The following PRKN variants were observed in gnomAD, a reference collection of about 807,000 sequenced individuals.
PRKN encodes the protein parkin RBR E3 ubiquitin protein ligase.
PRKN carries 56 observed loss-of-function variants against 59.5 expected under a neutral mutation model. The ratio of observed to expected loss-of-function variants is 0.94; its 90% CI spans 0.76 to 1.18. The LOEUF (loss-of-function observed/expected upper bound fraction) is 1.18, where lower values mean the gene tolerates loss of function less well. Among genes scored for constraint, PRKN ranks in the 50% most tolerant of loss-of-function variants. The pLI is 0.00. For synonymous variants in PRKN, 250 were observed against 222.1 expected (o/e 1.13, Z -1.12); for missense variants, 657 against 596.4 (o/e 1.10, Z -1.06).
intron 4 of PRKN, among the ~76,000 whole-genome samples, chr6:162,084,014 G>A (rs1027645268): frequency 6.6e-6 from 1 of 151,930 alleles, no homozygotes; most frequent in African/African-American, 2.4e-5. Context: ...AATAATTTTA[G>A]AAAGAATTGA....
intron 6 of PRKN, among the ~76,000 whole-genome samples, chr6:161,904,916 G>C (rs1778086019): frequency 6.6e-6 from 1 of 152,138 alleles, no homozygotes; most frequent in South Asian, 2.1e-4. Context: ...GGAGGTCAAG[G>C]TGTGGATGGC....
At chr6:161,422,728 G>C (rs1788158039) in intron 9 of PRKN, among the ~76,000 whole-genome samples, 1 of 152,136 alleles carries the variant, frequency 6.6e-6, no homozygotes, top group African/African-American at 2.4e-5. Flanking sequence ...AGGAAGAAAG[G>C]AAGGCAGGCA....
At chr6:161,504,785 T>G (rs1057260345) in intron 9 of PRKN, among the ~76,000 whole-genome samples, 1 of 151,030 alleles carries the variant, frequency 6.6e-6, no homozygotes, top group African/African-American at 2.4e-5. Flanking sequence ...TTTGGTTTTT[T>G]GTTCTTGCGA....
intron 7 of PRKN, among the ~76,000 whole-genome samples, chr6:161,657,189 C>A (rs934100581): frequency 3.9e-5 from 6 of 152,108 alleles, no homozygotes; most frequent in Non-Finnish European, 8.8e-5. Context: ...CCGAGAATCA[C>A]CTTAACTCTT....
At chr6:162,144,588 C>T (rs577351678) in intron 4 of PRKN, among the ~76,000 whole-genome samples, 10 of 152,258 alleles carry the variant, frequency 6.6e-5, no homozygotes, top group African/African-American at 2.4e-4. Flanking sequence ...AACTGTAGGA[C>T]CTATGGTCAC....
intron 6 of PRKN, among the ~76,000 whole-genome samples, chr6:161,790,411 G>A (rs1204578002): frequency 6.6e-6 from 1 of 152,204 alleles, no homozygotes; most frequent in Non-Finnish European, 1.5e-5. Context: ...CCTCTAGACT[G>A]TGGGATTCAC....
intron 6 of PRKN, among the ~76,000 whole-genome samples, chr6:161,858,918 G>A (rs889788594): frequency 3.6e-5 from 5 of 139,088 alleles, no homozygotes; most frequent in African/African-American, 1.1e-4. Flanking sequence ...CTGGAGCACA[G>A]TGGCGTGATC....
At chr6:162,668,159 T>C (rs1326892409) in intron 1 of PRKN, among the ~76,000 whole-genome samples, 2 of 152,330 alleles carry the variant, frequency 1.3e-5, no homozygotes, top group South Asian at 4.1e-4. Context: ...AGCAGATATA[T>C]CCTCAGTAAA....
intron 8 of PRKN, among the ~76,000 whole-genome samples, chr6:161,568,604 A>C (rs1780743053): frequency 6.6e-6 from 1 of 152,156 alleles, no homozygotes; most frequent in South Asian, 2.1e-4. Context: ...AAAAATAAAT[A>C]AAATAAAATA....
intron 1 of PRKN, among the ~76,000 whole-genome samples, chr6:162,686,836 C>T (rs551954466): frequency 6.6e-6 from 1 of 152,204 alleles, no homozygotes; most frequent in Admixed American, 6.5e-5. Flanking sequence ...AGATATATGG[C>T]TTTATTTCTG....
At position 161,588,328 on chromosome 6, in the gene PRKN, C is replaced by T. The variant is rs933771714; in HGVS notation, c.872-18912G>A. ...CAGGAGGAGGCAGGTTGTGGTGAGC[C>T]GAAGAGGCGCCACTGCATTCCAGCC... On this transcript the variant is annotated intron_variant, in intron 7 of 11. Coordinates refer to ENST00000366898, the MANE Select transcript of PRKN (RefSeq NM_004562.3). The surrounding 1 kb of genome is among the most constrained non-coding windows in gnomAD (Gnocchi z 5.0). Among the ~76,000 whole-genome samples the T allele has an allele frequency of 2.6e-5, 4 of 151,598 alleles. No homozygotes were observed. The highest frequency in any genetic ancestry group is 4.4e-5 in the Non-Finnish European group (3 of 67,892).
rs1281887773 is a variant in PRKN, at chr6:161,529,753, C to T, written c.1083+19101G>A. Among the ~76,000 whole-genome samples the T allele has an allele frequency of 6.6e-6, 1 of 152,148 alleles. No homozygotes were observed. Among genetic ancestry groups the T allele is most frequent in the African/African-American group, 2.4e-5 (1 of 41,428 alleles). ...AGATTTATAAACATTATTGGTACAA[C>T]TGATTTTTGTCTCTGGCTGGAAAAT... is the stretch of plus-strand genomic sequence containing the variant. On this transcript the variant is annotated intron_variant, in intron 9 of 11. Coordinates refer to ENST00000366898, the MANE Select transcript of PRKN (RefSeq NM_004562.3). This position sits in a 1 kb window ranked among gnomAD's most constrained non-coding sequence, Gnocchi z 4.4.
intron 6 of PRKN, among the ~76,000 whole-genome samples, chr6:161,920,101 C>T (rs1244753769): frequency 6.6e-6 from 1 of 152,160 alleles, no homozygotes; most frequent in Non-Finnish European, 1.5e-5. Context: ...ACCATAACAC[C>T]GGCTGGGCGT....
chr6:161,505,491 T>A (rs1164926220), intron 9 of PRKN, among the ~76,000 whole-genome samples: 4 of 151,982 alleles, frequency 2.6e-5, no homozygotes, highest in Admixed American at 6.5e-5. Context: ...TTCACTCTGA[T>A]GGTAGTTTCT....
intron 9 of PRKN, among the ~76,000 whole-genome samples, chr6:161,521,356 G>A (rs1427304253): frequency 1.3e-5 from 2 of 152,220 alleles, no homozygotes; most frequent in East Asian, 1.9e-4. Flanking sequence ...ACAAATTACC[G>A]AAAGCAAAGC....
At chr6:162,266,580 C>T (rs79711914) in intron 2 of PRKN, 8,710 of 152,150 alleles carry the variant, frequency 0.057, 393 homozygotes, top group African/African-American at 0.12. Flanking sequence ...ACAGAGGGAA[C>T]CAGCAGAACA....
intron 1 of PRKN, among the ~76,000 whole-genome samples, chr6:162,452,378 AATTT>A (rs1217327821): frequency 6.6e-6 from 1 of 151,800 alleles, no homozygotes; most frequent in Non-Finnish European, 1.5e-5. Flanking sequence ...TATTCAACAT[AATTT>A]ATTTAATGCA....
chr6:162,097,507 A>G (rs1025856526), intron 4 of PRKN, among the ~76,000 whole-genome samples: 2 of 152,152 alleles, frequency 1.3e-5, no homozygotes, highest in African/African-American at 4.8e-5. Context: ...CAACTTGGAG[A>G]ATTTCCGTAA....
chr6:162,694,236 C>CCA (rs540139083), intron 1 of PRKN, among the ~76,000 whole-genome samples: 1 of 93,516 alleles, frequency 1.1e-5, no homozygotes, highest in African/African-American at 4.3e-5. Flanking sequence ...AACAGTGAGA[C>CCA]AAAAAAAAAA....
Sources: allele counts gnomAD v4.1 joint callset (sites outside exome capture counted in the v4.1 genomes callset), GRCh38; gene constraint gnomAD v4.1.1; non-coding constraint Gnocchi (gnomAD v3.1); transcripts MANE v1.5; gene names NCBI Gene and HGNC (gene_info 2026-07-23, HGNC 2026-07-21).